The following SLC35A5 variants were observed in gnomAD, a reference collection of about 807,000 sequenced individuals.
The protein encoded by SLC35A5 is solute carrier family 35 member A5.
In SLC35A5, 28 loss-of-function variants were observed where a neutral mutation model predicts 36.3. The observed-to-expected ratio is 0.77, with a 90% CI of 0.57 to 1.06. The LOEUF is 1.06. SLC35A5 is among the 50% of genes least tolerant of loss of function. The pLI is 0.00. For missense variants in SLC35A5, 521 were observed against 499.3 expected, an observed-to-expected ratio of 1.04 and a Z score of -0.41; for synonymous variants, 180 against 173.7, an observed-to-expected ratio of 1.04 and a Z score of -0.29.
intron 2 of SLC35A5, among the ~76,000 whole-genome samples, chr3:112,566,336 G>A (rs1166266711): frequency 1.3e-5 from 2 of 152,138 alleles, no homozygotes; most frequent in Non-Finnish European, 2.9e-5. Context: ...ATGCACATGA[G>A]GGAAATACCA....
intron 5 of SLC35A5, among the ~76,000 whole-genome samples, chr3:112,580,205 T>C (rs1359270115): frequency 6.6e-6 from 1 of 152,208 alleles, no homozygotes; most frequent in East Asian, 1.9e-4. Flanking sequence ...TGAGAATCTC[T>C]GCTGTAACTT....
chr3:112,563,498 G>A lies in SLC35A5; in HGVS notation c.95G>A (p.Ser32Asn), dbSNP rs1934040715. The A allele has an allele frequency of 6.2e-7, 1 of 1,606,870 alleles. No individual in the cohort carries two copies. Among genetic ancestry groups the A allele is most frequent in the Admixed American group, 1.7e-5 (1 of 59,850 alleles). Residue 32 changes from serine (S) to asparagine (N), a missense_variant, in exon 2 of 7, where the codon AGT becomes AAT. Coordinates refer to ENST00000492406, the MANE Select transcript of SLC35A5 (RefSeq NM_017945.5). ...GCCATATTCATTGCTTTAAGCTCAA[G>A]TCGCATCTTACTAGTGAAGTATTCT... Reference protein sequence around the residue: ...LGAIFIALSSSRILLVKYSAN... With the variant: ...LGAIFIALSSNRILLVKYSAN...
intron 5 of SLC35A5, among the ~76,000 whole-genome samples, chr3:112,575,056 C>T (rs1236780508): frequency 6.6e-6 from 1 of 152,086 alleles, no homozygotes; most frequent in African/African-American, 2.4e-5. Context: ...TTGAATCTCA[C>T]TTTGTAGTAT....
chr3:112,563,356 T>G, intron 1 of SLC35A5, 29 bp from the exon 2 acceptor site: 1 of 1,415,488 alleles, frequency 7.1e-7, no homozygotes, highest in Non-Finnish European at 9.4e-7. Flanking sequence ...GCCAACAAGG[T>G]CGTTCATGAA....
chr3:112,561,842 G>A (rs780085988), upstream of SLC35A5: 6 of 370,790 alleles, frequency 1.6e-5, no homozygotes, highest in Non-Finnish European at 2.4e-5. Context: ...GGACGCACAC[G>A]CACCCCTCGC....
At chr3:112,566,484 G>A (rs1934201250) in intron 2 of SLC35A5, among the ~76,000 whole-genome samples, 1 of 152,204 alleles carries the variant, frequency 6.6e-6, no homozygotes, top group Admixed American at 6.5e-5. Context: ...GAGGACTCAT[G>A]CAGAATGAGA....
At chr3:112,580,217 A>G (rs932877859) in intron 5 of SLC35A5, among the ~76,000 whole-genome samples, 1 of 152,192 alleles carries the variant, frequency 6.6e-6, no homozygotes, top group East Asian at 1.9e-4. Context: ...CTGTAACTTT[A>G]TAGTACAATA....
chr3:112,581,015 T>A lies in SLC35A5; in HGVS notation c.898T>A (p.Tyr300Asn), dbSNP rs1307393357. The change falls in exon 6 of 7, where the codon TAT becomes AAT. Residue 300 changes from tyrosine (Y) to asparagine (N), a missense_variant. Tyr to Asn is a moderately radical substitution (Grantham distance 143). Transcript: ENST00000492406. The part of the protein sequence containing the change: ...RDQIKNCGFF[Y>N]GHSAFSVALI... ...TCAGATTAAGAACTGTGGATTTTTTTATGGCCACAGTGCATTTTCAGTAGC... is the reference window on the plus strand; with the variant it reads ...TCAGATTAAGAACTGTGGATTTTTTAATGGCCACAGTGCATTTTCAGTAGC... 1 of 1,614,134 alleles carries A rather than the reference T, an allele frequency of 6.2e-7. No homozygotes were observed. Among genetic ancestry groups the A allele is most frequent in the Non-Finnish European group, 8.5e-7 (1 of 1,179,976 alleles).
At chr3:112,579,405 T>A (rs1214070778) in intron 5 of SLC35A5, among the ~76,000 whole-genome samples, 1 of 152,062 alleles carries the variant, frequency 6.6e-6, no homozygotes, top group Non-Finnish European at 1.5e-5. Context: ...ATGTTCCTCT[T>A]TTTTTCTCGG....
At chr3:112,573,816 A>G (rs1934555409) in intron 4 of SLC35A5, 73 bp from the exon 5 acceptor site, 1 of 1,271,414 alleles carries the variant, frequency 7.9e-7, no homozygotes, top group African/African-American at 1.5e-5. Flanking sequence ...TTGTCAGGTG[A>G]ACTGCCAAGC....
intron 2 of SLC35A5, among the ~76,000 whole-genome samples, chr3:112,565,288 TTC>T (rs947564745): frequency 9.8e-4 from 150 of 152,328 alleles, no homozygotes; most frequent in African/African-American, 3.4e-3. Flanking sequence ...AAGTTATATA[TTC>T]TGTTTGGTAG....
At chr3:112,561,760 C>T, upstream of SLC35A5, 1 of 524,792 alleles carries the variant, frequency 1.9e-6, no homozygotes, top group Non-Finnish European at 3.3e-6. Flanking sequence ...CAGCCCGCGA[C>T]GGACCGGACC....
rs1406780014 is a variant in SLC35A5, at chr3:112,581,160, T to C, written c.1043T>C (p.Val348Ala). 1 of 1,614,076 alleles carries C rather than the reference T, an allele frequency of 6.2e-7. No individual in the cohort carries two copies. Among genetic ancestry groups the C allele is most frequent in the Non-Finnish European group, 8.5e-7 (1 of 1,179,950 alleles). Residue 348 changes from valine to alanine, a missense_variant, in exon 6 of 7, where the codon GTC becomes GCC. Physicochemically the swap from Val to Ala is moderately conservative, Grantham distance 64. Transcript: ENST00000492406. ...VTTVIITTVS[V>A]LVFDFRPSLE... ...ACTGTCATTATCACAACAGTGTCTGTCCTGGTCTTTGACTTCAGGCCCTCC... is the reference window on the plus strand; with the variant it reads ...ACTGTCATTATCACAACAGTGTCTGCCCTGGTCTTTGACTTCAGGCCCTCC...
rs1935053733 is a variant in SLC35A5, at chr3:112,584,121, G to A, written c.*1385G>A. The A allele has an allele frequency of 6.6e-6, 1 of 152,130 alleles. No individual in the cohort carries two copies. The highest frequency in any genetic ancestry group is 2.4e-5 in the African/African-American group (1 of 41,428). The allele number at this position is 152,130 out of a possible 1,614,324, so 9.4% of individuals were successfully genotyped here. ...CACAATAATATGACTGGCAAGAATT[G>A]GTGGAAATTTGTAATTAAAATAATT... On this transcript the variant is annotated 3_prime_UTR_variant, in exon 7 of 7. Transcript: ENST00000492406.
At chr3:112,574,333 T>C (rs921433938) in intron 5 of SLC35A5, among the ~76,000 whole-genome samples, 1 of 152,230 alleles carries the variant, frequency 6.6e-6, no homozygotes, top group African/African-American at 2.4e-5. Context: ...ATTTGTAGTT[T>C]GGAGATGATA....
At chr3:112,562,905 C>T (rs1218102862) in intron 1 of SLC35A5, among the ~76,000 whole-genome samples, 2 of 151,764 alleles carry the variant, frequency 1.3e-5, no homozygotes, top group African/African-American at 4.8e-5. Context: ...ACTAAAAATA[C>T]AAAAATTAGC....
rs552679180 is a variant in SLC35A5 at position 112,583,629 on chromosome 3, A to G, written c.*893A>G. On this transcript the variant is annotated 3_prime_UTR_variant, in exon 7 of 7. Transcript: ENST00000492406. ...AATGCTGGCTTCAGAATCATACCAG[A>G]TTGTCAGTGAAGCTGATGCCTAGGA... 6.6e-6 allele frequency: 1 copy of G among 152,394 alleles called. No individual in the cohort carries two copies. Among genetic ancestry groups the G allele is most frequent in the African/African-American group, 2.4e-5 (1 of 41,560 alleles). The allele number at this position is 152,394 out of a possible 1,614,324, so 9.4% of individuals were successfully genotyped here.
At position 112,580,664 on chromosome 3, in the gene SLC35A5, G is replaced by T. The variant is rs370677796; in HGVS notation, c.547G>T (p.Asp183Tyr). 4 of 1,614,092 alleles carry T rather than the reference G, an allele frequency of 2.5e-6. No individual in the cohort carries two copies. The highest frequency in any genetic ancestry group is 3.4e-6 in the Non-Finnish European group (4 of 1,179,958). Residue 183 changes from aspartate to tyrosine, a missense_variant, in exon 6 of 7, where the codon GAT (aspartate) becomes TAT (tyrosine). Physicochemically the swap from Asp to Tyr is radical, Grantham distance 160 (BLOSUM62 -3). Coordinates refer to ENST00000492406, the MANE Select transcript of SLC35A5 (RefSeq NM_017945.5). ...CTTGGCAGGACGTGGATTTCATCACGATGCCTTTTTCAGCCCTTCCAATTC... is the reference window on the plus strand; with the variant it reads ...CTTGGCAGGACGTGGATTTCATCACTATGCCTTTTTCAGCCCTTCCAATTC... ...HNLAGRGFHH[D>Y]AFFSPSNSCL...
rs771300404 is a variant in SLC35A5 at position 112,581,223 on chromosome 3, CT to C, written c.1107del (p.Ile370TyrfsTer24). ...FFLEAPSVLLSIFIYNASKPQ... is the reference protein window; with the variant it reads ...FFLEAPSVLLXIFIYNASKPQ... ...TTGGAAGCCCCATCAGTCCTTCTCT[CT>C]ATATTTATTTATAATGCCAGCAAGC... On this transcript the variant is annotated frameshift_variant, in exon 6 of 7. Transcript: ENST00000492406. LOFTEE classifies it high-confidence loss of function. The C allele has an allele frequency of 6.2e-7, 1 of 1,613,838 alleles. No individual in the cohort carries two copies.
Sources: allele counts gnomAD v4.1 joint callset (sites outside exome capture counted in the v4.1 genomes callset), GRCh38; gene constraint gnomAD v4.1.1; transcripts MANE v1.5; gene names NCBI Gene and HGNC (gene_info 2026-07-23, HGNC 2026-07-21).